PIK3C2B: variants seen among roughly 807,000 people sequenced by gnomAD.
PIK3C2B encodes the protein phosphatidylinositol 4-phosphate 3-kinase C2 domain-containing subunit beta.
PIK3C2B carries 83 observed loss-of-function variants against 184.3 expected under a neutral mutation model. The observed-to-expected ratio is 0.45, with a 90% CI of 0.38 to 0.54. The LOEUF is 0.54. Ranked by LOEUF, PIK3C2B falls within the 20% of genes least tolerant of loss-of-function variation. PIK3C2B has a pLI of 0.00. For missense variants in PIK3C2B, 1,736 were observed against 2,113.5 expected, an observed-to-expected ratio of 0.82 and a Z score of 3.50; for synonymous variants, 779 against 837.6, an observed-to-expected ratio of 0.93 and a Z score of 1.21.
chr1:204,466,961 C>A (rs547113789), intron 2 of PIK3C2B: 1 of 529,930 alleles, frequency 1.9e-6, no homozygotes, highest in Non-Finnish European at 3.9e-6. Context: ...TGGTATAGGC[C>A]GAGGGCCCAA....
intron 22 of PIK3C2B, among the ~76,000 whole-genome samples, chr1:204,439,642 AT>A (rs1675538498): frequency 6.6e-6 from 1 of 151,956 alleles, no homozygotes; most frequent in Non-Finnish European, 1.5e-5. Flanking sequence ...CTCTCTCTAT[AT>A]ATATATTTTC....
chr1:204,433,986 TGGAGGAGGAAGCCCA>T lies in PIK3C2B; in HGVS notation c.3687-52_3687-38del. The T allele has an allele frequency of 5.7e-6, 9 of 1,591,994 alleles. No homozygotes were observed. The highest frequency in any genetic ancestry group is 7.7e-6 in the Non-Finnish European group (9 of 1,161,600). On this transcript the variant is annotated intron_variant, in intron 24 of 32. Transcript: ENST00000684373. This position sits in a 1 kb window ranked among gnomAD's most constrained non-coding sequence, Gnocchi z 5.0. Reference sequence around the variant, plus strand: ...GGAACATACAGGTAGAAGGTCAACATGGAGGAGGAAGCCCACCATATGGGCTGCATCAGGGGTCAG... The same window carrying T: ...GGAACATACAGGTAGAAGGTCAACATCCATATGGGCTGCATCAGGGGTCAG...
At chr1:204,435,193 T>C (rs943682674) in intron 23 of PIK3C2B, 22 of 148,694 alleles carry the variant, frequency 1.5e-4, no homozygotes, top group African/African-American at 5.3e-4. Flanking sequence ...GTCTAGAGAG[T>C]GTTTTACACT....
chr1:204,457,677 T>G, intron 9 of PIK3C2B, 51 bp downstream of exon 9: 1 of 1,534,602 alleles, frequency 6.5e-7, no homozygotes, highest in Non-Finnish European at 8.8e-7. Flanking sequence ...CTCAGTTACC[T>G]GACAGTATCC....
intron 9 of PIK3C2B, among the ~76,000 whole-genome samples, 176 bp from the exon 10 acceptor site, chr1:204,457,246 A>T (rs903548976): frequency 6.6e-6 from 1 of 152,248 alleles, no homozygotes; most frequent in African/African-American, 2.4e-5. Context: ...TATGATGGAC[A>T]GAGTGAGCTG....
At chr1:204,435,290 A>G (rs1675282102) in intron 23 of PIK3C2B, 1 of 152,134 alleles carries the variant, frequency 6.6e-6, no homozygotes, top group Admixed American at 6.5e-5. Context: ...GGTTGACTCC[A>G]TCTTATTTTG....
At chr1:204,437,438 T>C (rs1361590533) in intron 23 of PIK3C2B, among the ~76,000 whole-genome samples, 1 of 152,166 alleles carries the variant, frequency 6.6e-6, no homozygotes, top group Non-Finnish European at 1.5e-5. Flanking sequence ...GAGGTTGCAG[T>C]GAGCCAAGCT....
intron 1 of PIK3C2B, among the ~76,000 whole-genome samples, chr1:204,481,020 T>C (rs763735207): frequency 6.6e-6 from 1 of 152,028 alleles, no homozygotes; most frequent in African/African-American, 2.4e-5. Context: ...CCTGAAGCCA[T>C]AGGGATCACA....
chr1:204,465,806 A>G (rs1655717167), intron 2 of PIK3C2B, among the ~76,000 whole-genome samples: 1 of 152,244 alleles, frequency 6.6e-6, no homozygotes, highest in African/African-American at 2.4e-5. Context: ...CCATGGACCC[A>G]AAGCAGAGAG....
intron 1 of PIK3C2B, among the ~76,000 whole-genome samples, chr1:204,486,359 C>A (rs1409568872): frequency 7.0e-6 from 1 of 143,022 alleles, no homozygotes; most frequent in Admixed American, 7.2e-5. Context: ...AGTGCCACTG[C>A]ACTCCAGCCT....
intron 29 of PIK3C2B, among the ~76,000 whole-genome samples, chr1:204,428,447 T>C (rs1674867535): frequency 6.6e-6 from 1 of 152,184 alleles, no homozygotes; most frequent in Non-Finnish European, 1.5e-5. Context: ...AATACTGTAG[T>C]TACTTTAAAA....
Position 204,447,488 on chromosome 1 carries a change from C to T in PIK3C2B, c.2437G>A (p.Glu813Lys), listed in dbSNP as rs1406528082. Reference protein sequence around the residue: ...SPRYEFGSLREEDQRKLKDIM... With the variant: ...SPRYEFGSLRKEDQRKLKDIM... ...TCTTTAAGCTTGCGCTGGTCTTCTT[C>T]CCGGAGGCTGCCAAACTCATAGCGG... Residue 813 changes from glutamate to lysine, a missense_variant, in exon 15 of 33, where the codon GAA becomes AAA. Physicochemically the swap from Glu to Lys is moderately conservative, Grantham distance 56 (BLOSUM62 1). Coordinates refer to ENST00000684373, the MANE Select transcript of PIK3C2B (RefSeq NM_001377334.1). The surrounding 1 kb of genome is among the most constrained non-coding windows in gnomAD (Gnocchi z 4.1). 4 of 1,613,792 alleles carry T rather than the reference C, an allele frequency of 2.5e-6. No individual in the cohort carries two copies. The highest frequency in any genetic ancestry group is 3.4e-6 in the Non-Finnish European group (4 of 1,179,998).
rs61763407 is a variant in PIK3C2B at position 204,446,319 on chromosome 1, TCGC to T, written c.2490-178_2490-176del. ...CACTTGAGGGGCTGAGTGAACCCCC[TCGC>T]CATGCCTGGGTCACACCTGATACCA... On this transcript the variant is annotated intron_variant, in intron 15 of 32. Coordinates refer to ENST00000684373, the MANE Select transcript of PIK3C2B (RefSeq NM_001377334.1). Among the ~76,000 whole-genome samples the T allele has an allele frequency of 3.7e-3, 568 of 152,290 alleles. 9 individuals are homozygous for T. The highest frequency in any genetic ancestry group is 0.013 in the African/African-American group (540 of 41,562).
Position 204,432,210 on chromosome 1 carries a change from T to A in PIK3C2B, c.4145A>T (p.Asn1382Ile), listed in dbSNP as rs148904175. The A allele has an allele frequency of 7.3e-5, 118 of 1,613,316 alleles. 1 individual carries two copies. In the African/African-American group the frequency reaches 8.7e-4, roughly 12 times the overall value. Residue 1382 changes from asparagine (N) to isoleucine (I), a missense_variant, in exon 27 of 33, where the codon AAC becomes ATC. Transcript: ENST00000684373. Reference protein sequence around the residue: ...LCRHEKIFHPNKGYIYVVKVM... With the variant: ...LCRHEKIFHPIKGYIYVVKVM... ...GGAGAAAACACTTACATAGCCTTTG[T>A]TGGGGTGGAAGATCTTCTCATGGCG...
chr1:204,474,475 G>A (rs1022374292), intron 1 of PIK3C2B, among the ~76,000 whole-genome samples: 1 of 152,252 alleles, frequency 6.6e-6, no homozygotes, highest in Non-Finnish European at 1.5e-5. Flanking sequence ...GCCCATTTCC[G>A]TAGCCATTTC....
intron 29 of PIK3C2B, chr1:204,429,059 C>CA (rs113816473): frequency 0.03 from 7,446 of 252,024 alleles, 2 homozygotes; most frequent in South Asian, 0.063. Context: ...CCTGTCTTTA[C>CA]AAAAAAAAAA....
intron 1 of PIK3C2B, among the ~76,000 whole-genome samples, chr1:204,487,496 A>C (rs1657689472): frequency 6.6e-6 from 1 of 152,190 alleles, no homozygotes; most frequent in Non-Finnish European, 1.5e-5. Context: ...AACTGTTAAT[A>C]CTGTGTTCTC....
chr1:204,433,970 A>G lies in PIK3C2B; in HGVS notation c.3687-21T>C, dbSNP rs1675210216. ...GGTCCCTGAGCCAAGGGGAACATAC[A>G]GGTAGAAGGTCAACATGGAGGAGGA... On this transcript the variant is annotated intron_variant, in intron 24 of 32. Transcript: ENST00000684373. The surrounding 1 kb of genome is among the most constrained non-coding windows in gnomAD (Gnocchi z 5.0). 5 of 1,609,766 alleles carry G rather than the reference A, an allele frequency of 3.1e-6. No homozygotes were observed. Among genetic ancestry groups the G allele is most frequent in the Non-Finnish European group, 4.2e-6 (5 of 1,176,970 alleles).
intron 27 of PIK3C2B, 84 bp downstream of exon 27, chr1:204,432,109 CCCACTGT>C: frequency 4.4e-6 from 5 of 1,144,850 alleles, no homozygotes; most frequent in Non-Finnish European, 6.5e-6. Flanking sequence ...AACTCCTGTG[CCCACTGT>C]GCAAGTGTGG....
Sources: gnomAD v4.1 joint callset for allele counts (sites outside exome capture counted in the v4.1 genomes callset) on GRCh38, gnomAD v4.1.1 for gene constraint, Gnocchi (gnomAD v3.1) non-coding constraint, MANE v1.5 for transcripts, NCBI Gene and HGNC (gene_info 2026-07-23, HGNC 2026-07-21) for gene names.